The following CLASP1 variants were observed in gnomAD, a reference collection of about 807,000 sequenced individuals.
CLASP1 encodes the protein CLIP-associating protein 1.
Under a neutral mutation model 192.3 loss-of-function variants are expected in CLASP1, and 38 were observed. The ratio of observed to expected loss-of-function variants is 0.20; its 90% CI spans 0.15 to 0.26. The LOEUF is 0.26. Ranked by LOEUF, CLASP1 falls within the 10% of genes least tolerant of loss-of-function variation. CLASP1 has a pLI of 1.00. For missense variants in CLASP1, 1,433 were observed against 1,932.5 expected (o/e 0.74, Z 4.85); for synonymous variants, 691 against 712.8 (o/e 0.97, Z 0.49).
At chr2:121,601,744 T>C (rs2105877719) in intron 2 of CLASP1, among the ~76,000 whole-genome samples, 1 of 152,244 alleles carries the variant, frequency 6.6e-6, no homozygotes, top group South Asian at 2.1e-4. Context: ...TGATCTTATA[T>C]ACAGAAAAAC....
chr2:121,387,237 A>C lies in CLASP1; in HGVS notation c.3268-9T>G, dbSNP rs1407768706. ...GTATTGCTTGGAGAGCCCTGGGGTG[A>C]AGCAGAATAGGCATCGTTATTCAAG... is the stretch of plus-strand genomic sequence containing the variant. On this transcript the variant is annotated splice_polypyrimidine_tract_variant and intron_variant, in intron 31 of 39. Transcript: ENST00000263710. 1 of 1,567,144 alleles carries C rather than the reference A, an allele frequency of 6.4e-7. No individual in the cohort carries two copies. The highest frequency in any genetic ancestry group is 1.4e-5 in the African/African-American group (1 of 72,970).
chr2:121,562,895 T>C (rs2059209779), intron 2 of CLASP1, among the ~76,000 whole-genome samples: 1 of 152,230 alleles, frequency 6.6e-6, no homozygotes, highest in Non-Finnish European at 1.5e-5. Flanking sequence ...TTATTTTTCA[T>C]GTCTCTTCTA....
chr2:121,455,757 G>T (rs72969319), intron 14 of CLASP1, among the ~76,000 whole-genome samples: 338 of 152,280 alleles, frequency 2.2e-3, no homozygotes, highest in African/African-American at 7.9e-3. Flanking sequence ...AGCTACTTGG[G>T]AGACTGAGGC....
At chr2:121,494,744 A>C (rs777938616) in intron 8 of CLASP1, among the ~76,000 whole-genome samples, 5 of 152,142 alleles carry the variant, frequency 3.3e-5, no homozygotes, top group Admixed American at 6.5e-5. Context: ...TATTGGGCCA[A>C]CCACGTTGGC....
intron 2 of CLASP1, among the ~76,000 whole-genome samples, chr2:121,531,173 GAACTTCACCCCTTT>G (rs1294715114): frequency 6.6e-6 from 1 of 152,112 alleles, no homozygotes; most frequent in Non-Finnish European, 1.5e-5. Context: ...GATTTCAACA[GAACTTCACCCCTTT>G]AACTTTACGC....
rs557975500 is a variant in CLASP1, at chr2:121,374,460, G to C, written c.3642+3039C>G. On this transcript the variant is annotated intron_variant, in intron 34 of 39. Coordinates refer to ENST00000263710, the Ensembl canonical transcript of CLASP1. ...GGAGCCCCCACAGAGTCCCCACTGGGGCACTGCCTAGCAGAGCAGTGAGAA... is the reference window on the plus strand; with the variant it reads ...GGAGCCCCCACAGAGTCCCCACTGGCGCACTGCCTAGCAGAGCAGTGAGAA... Among the ~76,000 whole-genome samples the C allele has an allele frequency of 1.6e-3, 247 of 152,220 alleles. 1 individual carries two copies. The highest frequency in any genetic ancestry group is 3.1e-3 in the Non-Finnish European group (208 of 68,038).
chr2:121,623,313 T>C (rs1383993927), intron 1 of CLASP1, among the ~76,000 whole-genome samples: 1 of 152,240 alleles, frequency 6.6e-6, no homozygotes, highest in East Asian at 1.9e-4. Flanking sequence ...TCTTGTCTTT[T>C]ATTCTATTAC....
At chr2:121,553,244 G>C (rs1030646209) in intron 2 of CLASP1, among the ~76,000 whole-genome samples, 1 of 152,044 alleles carries the variant, frequency 6.6e-6, no homozygotes, top group Non-Finnish European at 1.5e-5. Flanking sequence ...TTTGGGTACT[G>C]GGCTTAATAC....
intron 37 of CLASP1, among the ~76,000 whole-genome samples, chr2:121,362,637 G>C (rs2066640041): frequency 6.6e-6 from 1 of 152,256 alleles, no homozygotes; most frequent in African/African-American, 2.4e-5. Flanking sequence ...CTGTTGGCAG[G>C]CGCTGGGCTG....
intron 2 of CLASP1, among the ~76,000 whole-genome samples, chr2:121,556,712 G>A (rs2058601388): frequency 1.3e-5 from 2 of 152,108 alleles, no homozygotes; most frequent in South Asian, 4.1e-4. Context: ...CATATTTGTT[G>A]AATAAATGAA....
Position 121,608,813 on chromosome 2 carries a change from GA to G in CLASP1, c.-285-2634del, listed in dbSNP as rs533718598. ...TCATTCATTTTCATTCATTCTCAAT[GA>G]AAAAAAATTTCATAGCGTTTACTCC... On this transcript the variant is annotated intron_variant, in intron 1 of 39. Coordinates refer to ENST00000263710, the Ensembl canonical transcript of CLASP1. Among the ~76,000 whole-genome samples, 116 of 151,710 alleles carry G rather than the reference GA, an allele frequency of 7.6e-4. 2 individuals are homozygous for G. Among genetic ancestry groups the G allele is most frequent in the African/African-American group, 2.7e-3 (112 of 41,372 alleles).
At chr2:121,558,951 AT>A (rs916073478) in intron 2 of CLASP1, among the ~76,000 whole-genome samples, 1 of 152,154 alleles carries the variant, frequency 6.6e-6, no homozygotes, top group Non-Finnish European at 1.5e-5. Flanking sequence ...CCTTAAGAAT[AT>A]TTTATGAACA....
intron 2 of CLASP1, among the ~76,000 whole-genome samples, chr2:121,582,782 TTCC>T (rs1481104167): frequency 4.0e-5 from 6 of 150,912 alleles, no homozygotes; most frequent in African/African-American, 7.3e-5. Flanking sequence ...TCTTTCTTTC[TTCC>T]TTTTTTTTTT....
intron 8 of CLASP1, among the ~76,000 whole-genome samples, chr2:121,494,812 G>A (rs1260902256): frequency 6.6e-6 from 1 of 151,828 alleles, no homozygotes; most frequent in Non-Finnish European, 1.5e-5. Context: ...CCTGAGGTCA[G>A]GAGATTGAGA....
intron 23 of CLASP1, among the ~76,000 whole-genome samples, chr2:121,416,278 C>T (rs1031784929): frequency 1.3e-5 from 2 of 152,132 alleles, no homozygotes; most frequent in Non-Finnish European, 2.9e-5. Context: ...TTATAGCAGC[C>T]CTAGAGCCCT....
intron 2 of CLASP1, among the ~76,000 whole-genome samples, chr2:121,599,204 C>G (rs2063494829): frequency 6.6e-6 from 1 of 151,734 alleles, no homozygotes. Flanking sequence ...ATTCATCTAC[C>G]TTCCCTGTTA....
At chr2:121,382,314 C>G in exon 33 of CLASP1, 1 of 1,570,294 alleles carries the variant, frequency 6.4e-7, no homozygotes. Context: ...GCACTCCAAC[C>G]CCATAACCGA....
chr2:121,416,275 A>T (rs1218276435), intron 23 of CLASP1, among the ~76,000 whole-genome samples: 1 of 152,264 alleles, frequency 6.6e-6, no homozygotes, highest in Non-Finnish European at 1.5e-5. Flanking sequence ...AATTTATAGC[A>T]GCCCTAGAGC....
In CLASP1 at chr2:121,425,127, G is replaced by T; in HGVS notation, c.2212+12C>A. On this transcript the variant is annotated intron_variant, in intron 22 of 39. Transcript: ENST00000263710. ...CTGGGAATGGTATTCCAAGATCTTT[G>T]AGAATCCTTACCTAATCCTATTCGG... 2 of 1,592,630 alleles carry T rather than the reference G, an allele frequency of 1.3e-6. No homozygotes were observed. The highest frequency in any genetic ancestry group is 1.8e-5 in the Admixed American group (1 of 55,194).
Sources: gnomAD v4.1 joint callset for allele counts (sites outside exome capture counted in the v4.1 genomes callset) on GRCh38, gnomAD v4.1.1 for gene constraint, MANE v1.5 for transcripts, NCBI Gene and HGNC (gene_info 2026-07-23, HGNC 2026-07-21) for gene names.